The following ARHGAP42 variants were observed in gnomAD, a reference collection of about 807,000 sequenced individuals.
The protein encoded by ARHGAP42 is rho GTPase-activating protein 42.
ARHGAP42 carries 63 observed loss-of-function variants against 125.0 expected under a neutral mutation model. The observed-to-expected ratio is 0.50, with a 90% CI of 0.41 to 0.62. The LOEUF is 0.62. ARHGAP42 is among the 20% of genes least tolerant of loss of function. ARHGAP42 has a pLI of 0.00. For synonymous variants in ARHGAP42, 339 were observed against 351.0 expected (o/e 0.97, Z 0.38); for missense variants, 766 against 1,024.2 (o/e 0.75, Z 3.44).
intron 1 of ARHGAP42, among the ~76,000 whole-genome samples, chr11:100,751,646 C>A (rs1489106129): frequency 6.6e-6 from 1 of 151,740 alleles, no homozygotes; most frequent in Admixed American, 6.6e-5. Flanking sequence ...CTCACTGAAA[C>A]ACACTGAGGT....
At chr11:100,977,085 T>A (rs1858413126) in intron 21 of ARHGAP42, 114 bp downstream of exon 21, 2 of 1,233,982 alleles carry the variant, frequency 1.6e-6, no homozygotes, top group South Asian at 3.0e-5. Flanking sequence ...ATACTTTATC[T>A]GTAGAGTGGG....
intron 1 of ARHGAP42, among the ~76,000 whole-genome samples, chr11:100,693,187 C>T (rs1352148043): frequency 7.4e-5 from 11 of 147,898 alleles, no homozygotes; most frequent in African/African-American, 2.8e-4. Context: ...AAGTGGAACT[C>T]ATCGCAGATT....
At position 100,992,727 on chromosome 11, in the gene ARHGAP42, A is replaced by G; in HGVS notation, c.*3926A>G. On this transcript the variant is annotated 3_prime_UTR_variant, in exon 24 of 24. Coordinates refer to ENST00000298815, the MANE Select transcript of ARHGAP42 (RefSeq NM_152432.4). ...GGACTTTTAGAGGATCAAATCAATA[A>G]ATTGGATTTTTTATTTTTTGAGGGC... 7.2e-6 allele frequency: 11 copies of G among 1,531,556 alleles called. No homozygotes were observed. Among genetic ancestry groups the G allele is most frequent in the Non-Finnish European group, 9.6e-6 (11 of 1,143,258 alleles). 94.9% of individuals were successfully genotyped at this position (1,531,556 alleles called of 1,614,324 possible). A position where few individuals can be genotyped will look rare whatever the true frequency, so the allele number is the denominator to read the frequency against.
At chr11:100,790,342 G>GA (rs77036212) in intron 2 of ARHGAP42, among the ~76,000 whole-genome samples, 82,220 of 150,580 alleles carry the variant, frequency 0.55, 23,167 homozygotes, top group African/African-American at 0.71. Flanking sequence ...TTCAGTAATA[G>GA]TTTTTTTTTT....
chr11:100,897,105 C>T (rs1347659180), intron 4 of ARHGAP42, among the ~76,000 whole-genome samples: 1 of 152,064 alleles, frequency 6.6e-6, no homozygotes, highest in Non-Finnish European at 1.5e-5. Flanking sequence ...GAATCCTTTC[C>T]CCATTTCTTG....
chr11:100,837,666 C>CTATTTTTTTTTTTTTTTTTTTTTTTT (rs1555008871), intron 3 of ARHGAP42, among the ~76,000 whole-genome samples: 4 of 61,042 alleles, frequency 6.6e-5, no homozygotes, highest in African/African-American at 2.8e-4. Flanking sequence ...AGGTGTCATC[C>CTATTTTTTTTTTTTTTTTTTTTTTTT]TTTTTTTTTT....
At chr11:100,851,173 C>T (rs765784667) in intron 3 of ARHGAP42, among the ~76,000 whole-genome samples, 9 of 151,982 alleles carry the variant, frequency 5.9e-5, no homozygotes, top group Non-Finnish European at 1.0e-4. Context: ...TGAGCCACTG[C>T]GCCTGGCCAG....
intron 1 of ARHGAP42, among the ~76,000 whole-genome samples, chr11:100,703,196 T>C (rs2120210798): frequency 6.6e-6 from 1 of 152,318 alleles, no homozygotes; most frequent in African/African-American, 2.4e-5. Context: ...CTAGATAATC[T>C]GGGGGAACAT....
chr11:100,909,648 A>G (rs1866856432), intron 4 of ARHGAP42, among the ~76,000 whole-genome samples: 1 of 152,012 alleles, frequency 6.6e-6, no homozygotes, highest in Non-Finnish European at 1.5e-5. Context: ...TAGGATTTTT[A>G]TAGTTTCAGA....
intron 2 of ARHGAP42, among the ~76,000 whole-genome samples, chr11:100,791,181 G>A (rs1405621299): frequency 6.6e-6 from 1 of 152,086 alleles, no homozygotes; most frequent in African/African-American, 2.4e-5. Context: ...TCTAACCCTG[G>A]CCTCTCATGT....
intron 22 of ARHGAP42, among the ~76,000 whole-genome samples, chr11:100,979,269 C>T (rs1256854982): frequency 6.6e-6 from 1 of 152,166 alleles, no homozygotes; most frequent in Admixed American, 6.5e-5. Context: ...AGTAGAAGGG[C>T]TCTAAACAAA....
At chr11:100,727,526 AC>A (rs1469124888) in intron 1 of ARHGAP42, among the ~76,000 whole-genome samples, 1 of 151,914 alleles carries the variant, frequency 6.6e-6, no homozygotes, top group Non-Finnish European at 1.5e-5. Flanking sequence ...TTTCAGCTCC[AC>A]CCCCACCCTC....
intron 1 of ARHGAP42, among the ~76,000 whole-genome samples, chr11:100,765,174 T>A (rs1292550742): frequency 6.6e-6 from 1 of 152,146 alleles, no homozygotes; most frequent in African/African-American, 2.4e-5. Flanking sequence ...TATGGTTGAG[T>A]ATGTACGTGG....
At chr11:100,768,089 T>A (rs765856740) in intron 1 of ARHGAP42, among the ~76,000 whole-genome samples, 1 of 152,170 alleles carries the variant, frequency 6.6e-6, no homozygotes, top group African/African-American at 2.4e-5. Flanking sequence ...CAGTAAGTCC[T>A]GGCGTTATGT....
chr11:100,817,399 G>T (rs138479137), intron 3 of ARHGAP42, among the ~76,000 whole-genome samples: 1 of 152,088 alleles, frequency 6.6e-6, no homozygotes, highest in Admixed American at 6.5e-5. Flanking sequence ...TTAGTTGGGG[G>T]TACTTATTAG....
chr11:100,916,716 C>G (rs1278743530), intron 5 of ARHGAP42, among the ~76,000 whole-genome samples: 3 of 151,968 alleles, frequency 2.0e-5, no homozygotes, highest in Non-Finnish European at 4.4e-5. Context: ...GACGATTTCT[C>G]TTGGTAAGAA....
rs533986338 is a variant in ARHGAP42, at chr11:100,688,594, A to T, written c.154+762A>T. Among the ~76,000 whole-genome samples, 14 of 152,228 alleles carry T rather than the reference A, an allele frequency of 9.2e-5. No individual in the cohort carries two copies. The South Asian group carries it at 1.9e-3, about 20-fold the overall frequency. Reference sequence around the variant, plus strand: ...TTTCCTTCCTCCTTTTATCCTCTGGATCTTAGCTTTCAATTCCTAAGACCT... The same window carrying T: ...TTTCCTTCCTCCTTTTATCCTCTGGTTCTTAGCTTTCAATTCCTAAGACCT... On this transcript the variant is annotated intron_variant, in intron 1 of 23. Transcript: ENST00000298815.
At position 100,735,017 on chromosome 11, in the gene ARHGAP42, C is replaced by CAAA. The variant is rs1307916342; in HGVS notation, c.155-35324_155-35323insAAA. Among the ~76,000 whole-genome samples the CAAA allele has an allele frequency of 5.6e-3, 856 of 152,030 alleles. 5 individuals carry two copies. Among genetic ancestry groups the CAAA allele is most frequent in the African/African-American group, 0.019 (798 of 41,358 alleles). On this transcript the variant is annotated intron_variant, in intron 1 of 23. Transcript: ENST00000298815. ...TACAACAACAAAACAACAACAACAA[C>CAAA]AACAACAACAAAACCCTGTGTTTGG...
At position 100,829,372 on chromosome 11, in the gene ARHGAP42, AAAGACTTTC is replaced by A. The variant is rs1357062324; in HGVS notation, c.313-30168_313-30160del. ...AAGACCCTGTCTTCAAAAAAAAAAA[AAAGACTTTC>A]AAGACTTTCAAGAACCTCACCAGGT... On this transcript the variant is annotated intron_variant, in intron 3 of 23. Transcript: ENST00000298815. Among the ~76,000 whole-genome samples, 11 of 152,146 alleles carry A rather than the reference AAAGACTTTC, an allele frequency of 7.2e-5. No homozygotes were observed. The East Asian group carries it at 1.5e-3, about 21-fold the overall frequency.
Sources: gnomAD v4.1 joint callset for allele counts (sites outside exome capture counted in the v4.1 genomes callset) on GRCh38, gnomAD v4.1.1 for gene constraint, MANE v1.5 for transcripts, NCBI Gene and HGNC (gene_info 2026-07-23, HGNC 2026-07-21) for gene names.